Variants in GRID1 observed in about 807,000 individuals in gnomAD.
GRID1 encodes glutamate receptor ionotropic, delta-1.
In GRID1, 28 loss-of-function variants were observed where a neutral mutation model predicts 98.0. That is an observed-to-expected ratio of 0.29 (90% confidence interval 0.21 to 0.39). GRID1 has a LOEUF of 0.39. GRID1 is among the 10% of genes least tolerant of loss of function. GRID1 has a pLI of 1.00. For missense variants in GRID1, 1,111 were observed against 1,340.5 expected, an observed-to-expected ratio of 0.83 and a Z score of 2.67; for synonymous variants, 553 against 538.5, an observed-to-expected ratio of 1.03 and a Z score of -0.37.
chr10:85,838,963 A>G (rs1554834534), intron 8 of GRID1, among the ~76,000 whole-genome samples: 1 of 152,202 alleles, frequency 6.6e-6, no homozygotes, highest in Non-Finnish European at 1.5e-5. Context: ...TACCAAGCAA[A>G]TGGGAAACAG....
chr10:86,153,049 C>A (rs1845191868), intron 3 of GRID1, among the ~76,000 whole-genome samples: 3 of 152,202 alleles, frequency 2.0e-5, no homozygotes, highest in Admixed American at 6.5e-5. Flanking sequence ...TGCCACCACC[C>A]CTCATTGTGG....
chr10:85,862,661 C>T (rs2131786809), intron 6 of GRID1, among the ~76,000 whole-genome samples: 1 of 152,266 alleles, frequency 6.6e-6, no homozygotes, highest in Non-Finnish European at 1.5e-5. Flanking sequence ...CCCAGATGGA[C>T]ACTCTCGGCT....
intron 12 of GRID1, among the ~76,000 whole-genome samples, chr10:85,670,100 T>C (rs115279462): frequency 0.011 from 1,661 of 152,368 alleles, 25 homozygotes; most frequent in African/African-American, 0.037. Context: ...AAATAGTTCA[T>C]TAATAAATAC....
chr10:86,058,092 G>A (rs1843599358), intron 4 of GRID1, among the ~76,000 whole-genome samples: 1 of 152,094 alleles, frequency 6.6e-6, no homozygotes, highest in African/African-American at 2.4e-5. Flanking sequence ...AATCTGATAT[G>A]GAAGTGGGGA....
intron 5 of GRID1, among the ~76,000 whole-genome samples, chr10:85,907,469 T>C (rs1365235401): frequency 6.6e-6 from 1 of 152,140 alleles, no homozygotes; most frequent in African/African-American, 2.4e-5. Flanking sequence ...AAGACACAAA[T>C]TACCAAACTT....
intron 12 of GRID1, among the ~76,000 whole-genome samples, chr10:85,704,342 T>C (rs1014911030): frequency 1.3e-5 from 2 of 152,106 alleles, no homozygotes; most frequent in Admixed American, 1.3e-4. Flanking sequence ...AAACAGACTT[T>C]AAACCAACAA....
chr10:85,827,727 C>T (rs995858925), intron 8 of GRID1, among the ~76,000 whole-genome samples: 6 of 151,398 alleles, frequency 4.0e-5, no homozygotes, highest in East Asian at 1.9e-4. Context: ...GTAAGGGGTT[C>T]GATTCAACAA....
chr10:86,072,484 T>C (rs1843818652), intron 4 of GRID1, among the ~76,000 whole-genome samples: 1 of 152,232 alleles, frequency 6.6e-6, no homozygotes, highest in African/African-American at 2.4e-5. Context: ...TCTTTCGTTT[T>C]TTTTTATTTT....
intron 8 of GRID1, among the ~76,000 whole-genome samples, chr10:85,784,002 T>G (rs1014207369): frequency 1.3e-5 from 2 of 152,196 alleles, no homozygotes; most frequent in Non-Finnish European, 2.9e-5. Flanking sequence ...GAGCATGTAA[T>G]GTTCAGCTTC....
At chr10:86,312,808 G>C (rs1405340800) in intron 2 of GRID1, among the ~76,000 whole-genome samples, 1 of 152,226 alleles carries the variant, frequency 6.6e-6, no homozygotes, top group Non-Finnish European at 1.5e-5. Context: ...TTCTGCAGTA[G>C]GGGGGTGTCA....
chr10:86,363,264 T>G (rs1393895363), intron 2 of GRID1, among the ~76,000 whole-genome samples: 1 of 152,148 alleles, frequency 6.6e-6, no homozygotes, highest in African/African-American at 2.4e-5. Context: ...GGCCAGGATT[T>G]CCCCGCAGCC....
chr10:85,766,306 T>C (rs578104441), intron 8 of GRID1, among the ~76,000 whole-genome samples: 70 of 152,260 alleles, frequency 4.6e-4, no homozygotes, highest in African/African-American at 1.7e-3. Context: ...GGCAATGTGG[T>C]GAAACCCCAT....
intron 4 of GRID1, among the ~76,000 whole-genome samples, chr10:85,974,126 C>T (rs1044041085): frequency 6.6e-6 from 1 of 152,178 alleles, no homozygotes; most frequent in Non-Finnish European, 1.5e-5. Flanking sequence ...AGTCTATGCT[C>T]AGAACTTGCA....
intron 8 of GRID1, among the ~76,000 whole-genome samples, chr10:85,845,476 A>G (rs1418099030): frequency 6.6e-6 from 1 of 152,232 alleles, no homozygotes; most frequent in Non-Finnish European, 1.5e-5. Context: ...AGACATTAAC[A>G]CTTCCCAAAT....
rs1845824242 is a variant in GRID1, at chr10:86,192,805, T to C, written c.520+13559A>G. The stretch of plus-strand genomic sequence containing the variant: ...CCAACAGGTGATGTTCACACCGATA[T>C]ATGTGGTGATTCCACAGAACCACAG... On this transcript the variant is annotated intron_variant, in intron 3 of 15. Transcript: ENST00000327946. The surrounding 1 kb of genome is among the most constrained non-coding windows in gnomAD (Gnocchi z 4.8). Among the ~76,000 whole-genome samples, 1 of 151,902 alleles carries C rather than the reference T, an allele frequency of 6.6e-6. No homozygotes were observed. Among genetic ancestry groups the C allele is most frequent in the African/African-American group, 2.4e-5 (1 of 41,370 alleles).
At chr10:85,933,379 G>A (rs149924462) in intron 4 of GRID1, among the ~76,000 whole-genome samples, 9 of 151,694 alleles carry the variant, frequency 5.9e-5, no homozygotes, top group African/African-American at 1.7e-4. Context: ...TATGAGGGAC[G>A]GGTATACAGA....
intron 5 of GRID1, among the ~76,000 whole-genome samples, chr10:85,907,976 A>T (rs1487867880): frequency 6.6e-6 from 1 of 152,234 alleles, no homozygotes; most frequent in Non-Finnish European, 1.5e-5. Context: ...GATAAAATCC[A>T]TTATCATTTC....
At chr10:85,791,050 C>T (rs1842475258) in intron 8 of GRID1, among the ~76,000 whole-genome samples, 1 of 152,202 alleles carries the variant, frequency 6.6e-6, no homozygotes, top group South Asian at 2.1e-4. Flanking sequence ...TCATCCCTAG[C>T]GATGGCCACC....
intron 12 of GRID1, 50 bp from the exon 13 acceptor site, chr10:85,647,447 A>G (rs988759274): frequency 2.1e-6 from 3 of 1,415,724 alleles, no homozygotes; most frequent in African/African-American, 1.4e-5. Context: ...TGCATTGCAC[A>G]CTGCAAGGAT....
Sources: gnomAD v4.1 joint callset for allele counts (sites outside exome capture counted in the v4.1 genomes callset) on GRCh38, gnomAD v4.1.1 for gene constraint, Gnocchi (gnomAD v3.1) non-coding constraint, MANE v1.5 for transcripts, NCBI Gene and HGNC (gene_info 2026-07-23, HGNC 2026-07-21) for gene names.